SAMMSON: variants seen among roughly 807,000 people sequenced by gnomAD.
SAMMSON encodes long intergenic non-protein coding RNA 1212.
intron 7 of SAMMSON, among the ~76,000 whole-genome samples, chr3:70,304,844 A>G (rs1289691768): frequency 6.6e-6 from 1 of 152,170 alleles, no homozygotes; most frequent in African/African-American, 2.4e-5. Context: ...CTGACCAACA[A>G]GGTTCTGCAT....
intron 4 of SAMMSON, among the ~76,000 whole-genome samples, chr3:70,085,582 C>T (rs1026215640): frequency 1.3e-5 from 2 of 152,170 alleles, no homozygotes; most frequent in Non-Finnish European, 2.9e-5. Flanking sequence ...TTGGGGACCT[C>T]TTCTTGATAT....
At chr3:70,233,532 A>G (rs1701580952) in intron 4 of SAMMSON, among the ~76,000 whole-genome samples, 1 of 152,236 alleles carries the variant, frequency 6.6e-6, no homozygotes, top group South Asian at 2.1e-4. Flanking sequence ...TTTAAAGCAT[A>G]ACATTTGATG....
At chr3:70,146,557 A>G (rs2067550038) in intron 4 of SAMMSON, among the ~76,000 whole-genome samples, 1 of 152,056 alleles carries the variant, frequency 6.6e-6, no homozygotes, top group Non-Finnish European at 1.5e-5. Flanking sequence ...CTAAATAAGA[A>G]AATCCACATG....
intron 1 of SAMMSON, among the ~76,000 whole-genome samples, chr3:70,008,851 G>A (rs759029026): frequency 2.4e-4 from 37 of 152,236 alleles, no homozygotes; most frequent in African/African-American, 4.8e-4. Context: ...AGCATGAAGC[G>A]TTGTTGAATT....
intron 6 of SAMMSON, among the ~76,000 whole-genome samples, chr3:70,290,816 C>T (rs1219696633): frequency 2.0e-5 from 3 of 152,150 alleles, no homozygotes; most frequent in Admixed American, 1.3e-4. Context: ...GGGAGTGACC[C>T]GATTTTCCAG....
At chr3:70,028,450 A>C (rs2067051525) in intron 3 of SAMMSON, among the ~76,000 whole-genome samples, 6 of 152,074 alleles carry the variant, frequency 3.9e-5, no homozygotes. Flanking sequence ...GATGGGGAGA[A>C]TTTGTGGCTG....
chr3:70,172,271 C>CTTTTTTTTTTT (rs5742405), intron 4 of SAMMSON: 1 of 135,018 alleles, frequency 7.4e-6, no homozygotes, highest in African/African-American at 2.7e-5. Context: ...CATTAGTGGT[C>CTTTTTTTTTTT]TTTTTTTTTT....
intron 9 of SAMMSON, among the ~76,000 whole-genome samples, chr3:70,359,398 T>C (rs1226716422): frequency 6.6e-6 from 1 of 152,154 alleles, no homozygotes; most frequent in East Asian, 1.9e-4. Context: ...TTATACCTAA[T>C]GGGTGAACTG....
chr3:70,160,241 A>G (rs753493014), intron 4 of SAMMSON, among the ~76,000 whole-genome samples: 6 of 150,186 alleles, frequency 4.0e-5, no homozygotes, highest in Non-Finnish European at 7.4e-5. Flanking sequence ...GGTCTTGAAG[A>G]TTTTCTGTTT....
chr3:70,323,019 A>C (rs1702549403), intron 7 of SAMMSON, among the ~76,000 whole-genome samples: 1 of 152,080 alleles, frequency 6.6e-6, no homozygotes, highest in African/African-American at 2.4e-5. Context: ...ACAGTGGTTG[A>C]ATTTGGGGGA....
intron 2 of SAMMSON, among the ~76,000 whole-genome samples, chr3:70,429,656 G>T (rs1701398130): frequency 1.3e-5 from 2 of 152,120 alleles, no homozygotes; most frequent in South Asian, 4.1e-4. Context: ...GCAGTGGTTT[G>T]TAGTTCTCTT....
chr3:70,278,918 G>A (rs1343176643), intron 6 of SAMMSON, among the ~76,000 whole-genome samples: 1 of 151,498 alleles, frequency 6.6e-6, no homozygotes, highest in Non-Finnish European at 1.5e-5. Flanking sequence ...CATGTATCTG[G>A]AGCTCAATGA....
At chr3:70,149,224 G>T (rs906472074) in intron 4 of SAMMSON, among the ~76,000 whole-genome samples, 1 of 152,050 alleles carries the variant, frequency 6.6e-6, no homozygotes, top group African/African-American at 2.4e-5. Context: ...CATTTATGTT[G>T]ATTTTGATGT....
At chr3:70,006,338 C>T (rs1167641518) in intron 1 of SAMMSON, among the ~76,000 whole-genome samples, 1 of 152,186 alleles carries the variant, frequency 6.6e-6, no homozygotes, top group African/African-American at 2.4e-5. Flanking sequence ...CCAATAACCA[C>T]ATCATAAGAA....
At chr3:70,111,102 T>C (rs925808155) in intron 4 of SAMMSON, among the ~76,000 whole-genome samples, 1 of 152,278 alleles carries the variant, frequency 6.6e-6, no homozygotes. Context: ...AATCCATTGG[T>C]AAATGATGAT....
intron 6 of SAMMSON, among the ~76,000 whole-genome samples, chr3:70,277,616 T>C (rs984574618): frequency 1.3e-5 from 2 of 152,182 alleles, no homozygotes; most frequent in Non-Finnish European, 2.9e-5. Context: ...ACTTCAAAAC[T>C]GCTACTTGGT....
chr3:70,291,463 C>G (rs1292498349), intron 7 of SAMMSON, among the ~76,000 whole-genome samples: 3 of 152,176 alleles, frequency 2.0e-5, no homozygotes, highest in Non-Finnish European at 4.4e-5. Context: ...GACCTAGAAT[C>G]TTGTCTATAG....
In SAMMSON at chr3:70,365,970, CTTTTTTTTTTT is replaced by C. The variant is rs1193657961; in HGVS notation, n.913+7667_913+7677del. The stretch of plus-strand genomic sequence containing the variant: ...AAAAATTGTTTGTGCTTTACCTTTT[CTTTTTTTTTTT>C]TTTTTTTTTTTTTTTTTTTTGAGAC... On this transcript the variant is annotated intron_variant and non_coding_transcript_variant, in intron 9 of 9. Coordinates refer to ENST00000642114, the Ensembl canonical transcript of SAMMSON. Among the ~76,000 whole-genome samples, 6 of 27,770 alleles carry C rather than the reference CTTTTTTTTTTT, an allele frequency of 2.2e-4. No individual in the cohort carries two copies. In the East Asian group the frequency reaches 2.6e-3, roughly 12 times the overall value. The allele number at this position is 27,770 out of a possible 152,430, so 18.2% of individuals were successfully genotyped here.
intron 3 of SAMMSON, among the ~76,000 whole-genome samples, chr3:70,063,567 C>T (rs1192141762): frequency 6.6e-6 from 1 of 152,098 alleles, no homozygotes; most frequent in Non-Finnish European, 1.5e-5. Context: ...CTTTGAGCAG[C>T]CCTTCCCCCG....
Sources: gnomAD v4.1 joint callset for allele counts (sites outside exome capture counted in the v4.1 genomes callset) on GRCh38, gnomAD v4.1.1 for gene constraint, MANE v1.5 for transcripts, NCBI Gene and HGNC (gene_info 2026-07-23, HGNC 2026-07-21) for gene names.